Variants in NFKB1 observed in about 807,000 individuals in gnomAD.
The protein encoded by NFKB1 is nuclear factor NF-kappa-B p105 subunit.
NFKB1 carries 9 observed loss-of-function variants against 105.1 expected under a neutral mutation model. The observed-to-expected ratio is 0.09, with a 90% CI of 0.05 to 0.15. The LOEUF (loss-of-function observed/expected upper bound fraction) is 0.15, where lower values mean the gene tolerates loss of function less well. NFKB1 is among the 10% of genes least tolerant of loss of function. The pLI is 1.00. For synonymous variants in NFKB1, 440 were observed against 442.2 expected (o/e 1.00, Z 0.06); for missense variants, 830 against 1,203.7 (o/e 0.69, Z 4.59).
In NFKB1 at chr4:102,544,970, C is replaced by T. The variant is rs181059924; in HGVS notation, c.258+7014C>T. Among the ~76,000 whole-genome samples the T allele has an allele frequency of 3.9e-5, 6 of 152,232 alleles. No homozygotes were observed. The East Asian group carries it at 7.7e-4, about 20-fold the overall frequency. On this transcript the variant is annotated intron_variant, in intron 5 of 23. Transcript: ENST00000226574. ...TTATTTCTGGGACCACTGTTCAATC[C>T]GAAACAAATCTCTGGTGGCTTCTTT...
chr4:102,506,927 T>C (rs1385372490), intron 1 of NFKB1, among the ~76,000 whole-genome samples: 1 of 150,838 alleles, frequency 6.6e-6, no homozygotes, highest in Non-Finnish European at 1.5e-5. Context: ...ATTAGTTACA[T>C]ATACAGATAT....
At chr4:102,506,102 GA>G (rs1337532881) in intron 1 of NFKB1, among the ~76,000 whole-genome samples, 1 of 151,530 alleles carries the variant, frequency 6.6e-6, no homozygotes, top group Admixed American at 6.6e-5. Context: ...TTATGAACTA[GA>G]AAAAAAATGC....
chr4:102,529,220 G>A (rs230531), intron 2 of NFKB1, among the ~76,000 whole-genome samples: 107,004 of 152,000 alleles, frequency 0.7, 38,489 homozygotes, highest in African/African-American at 0.84. Context: ...ACACCCACTA[G>A]ATTCCAGGTA....
chr4:102,537,575 C>T (rs1741723342), intron 4 of NFKB1: 1 of 242,978 alleles, frequency 4.1e-6, no homozygotes, highest in Admixed American at 5.4e-5. Flanking sequence ...AGCCTAAACT[C>T]TTCAGCAGAT....
At chr4:102,512,129 TA>T (rs1204943366) in intron 1 of NFKB1, among the ~76,000 whole-genome samples, 1 of 152,188 alleles carries the variant, frequency 6.6e-6, no homozygotes, top group Non-Finnish European at 1.5e-5. Flanking sequence ...CAGTTGTTAG[TA>T]AAAAATAGAA....
chr4:102,596,220 A>C lies in NFKB1; in HGVS notation c.1383A>C (p.Lys461Asn). The C allele has an allele frequency of 2.5e-6, 4 of 1,613,550 alleles. No individual in the cohort carries two copies. In the South Asian group the frequency reaches 4.4e-5, roughly 18 times the overall value. Residue 461 changes from lysine to asparagine, a missense_variant, in exon 14 of 24, where the codon AAA (lysine) becomes AAC (asparagine). Physicochemically the swap from Lys to Asn is moderately conservative, Grantham distance 94. This residue lies in a region of NFKB1 where 163 missense variants were observed against 164.3 expected (regional missense o/e 0.99). Coordinates refer to ENST00000226574, the MANE Select transcript of NFKB1 (RefSeq NM_003998.4). ...AAAACACTGTAAACCTCTTTGGGAA[A>C]GTTATTGAAACCACAGAGCAAGATC... is the stretch of plus-strand genomic sequence containing the variant. ...DDKNTVNLFG[K>N]VIETTEQDQE... is the part of the protein sequence containing the mutation.
intron 20 of NFKB1, 23 bp downstream of exon 20, chr4:102,610,722 G>A (rs773604362): frequency 1.2e-6 from 2 of 1,612,102 alleles, no homozygotes; most frequent in African/African-American, 2.7e-5. Flanking sequence ...CCATCTGTCT[G>A]ATGGCTGCCC....
intron 11 of NFKB1, 96 bp downstream of exon 11, chr4:102,584,916 C>A: frequency 8.1e-7 from 1 of 1,234,118 alleles, no homozygotes; most frequent in Non-Finnish European, 1.1e-6. Flanking sequence ...GAGTCTGACT[C>A]TGTTGCCCAG....
intron 9 of NFKB1, 137 bp downstream of exon 9, chr4:102,580,776 T>A (rs193025724): frequency 7.7e-4 from 488 of 630,118 alleles, no homozygotes; most frequent in Non-Finnish European, 1.1e-3. Flanking sequence ...AAAAAGCATT[T>A]ACGTTTTACC....
chr4:102,534,553 A>T (rs1741514725), intron 4 of NFKB1, among the ~76,000 whole-genome samples: 1 of 152,208 alleles, frequency 6.6e-6, no homozygotes, highest in African/African-American at 2.4e-5. Flanking sequence ...TATTTATAGG[A>T]AATTGGATGG....
chr4:102,507,033 T>C (rs182950635), intron 1 of NFKB1, among the ~76,000 whole-genome samples: 150 of 148,626 alleles, frequency 1.0e-3, no homozygotes, highest in African/African-American at 3.5e-3. Context: ...GTAACTAATA[T>C]AATTATATTT....
chr4:102,519,213 G>T, intron 1 of NFKB1, among the ~76,000 whole-genome samples: 2 of 149,456 alleles, frequency 1.3e-5, no homozygotes, highest in Middle Eastern at 7.1e-3. Flanking sequence ...ATATACTGTA[G>T]TTTTAAATTA....
chr4:102,577,431 C>T (rs183923767), intron 7 of NFKB1, among the ~76,000 whole-genome samples: 1 of 152,308 alleles, frequency 6.6e-6, no homozygotes, highest in African/African-American at 2.4e-5. Flanking sequence ...GTCTAAAGAA[C>T]ACCTCTGTTT....
rs1290865558 is a variant in NFKB1, at chr4:102,561,216, C to G, written c.259-5771C>G. On this transcript the variant is annotated intron_variant, in intron 5 of 23. Transcript: ENST00000226574. Reference sequence around the variant, plus strand: ...AATAAAGCCTGACTGTTTTTCATCCCTGAGAGAAGAAATATTATTAAAATA... The same window carrying G: ...AATAAAGCCTGACTGTTTTTCATCCGTGAGAGAAGAAATATTATTAAAATA... 2.6e-5 allele frequency among the ~76,000 whole-genome samples: 4 copies of G among 151,726 alleles called. No individual in the cohort carries two copies. In the East Asian group the frequency reaches 5.8e-4, roughly 22 times the overall value.
chr4:102,519,685 A>T (rs1188530105), intron 1 of NFKB1, among the ~76,000 whole-genome samples: 1 of 152,174 alleles, frequency 6.6e-6, no homozygotes, highest in African/African-American at 2.4e-5. Context: ...CTATATTAAA[A>T]TAAGTAATGT....
intron 1 of NFKB1, among the ~76,000 whole-genome samples, chr4:102,506,759 G>A (rs1009592709): frequency 6.6e-5 from 10 of 152,022 alleles, no homozygotes; most frequent in African/African-American, 2.2e-4. Context: ...ATTGAGCGCT[G>A]CTCACTTCAG....
chr4:102,578,616 A>C (rs1014854321), intron 7 of NFKB1: 61 of 483,262 alleles, frequency 1.3e-4, no homozygotes, highest in Admixed American at 1.1e-3. Context: ...AGGTGGGGGA[A>C]GGACAGGAGA....
intron 2 of NFKB1, among the ~76,000 whole-genome samples, chr4:102,528,639 A>G (rs1429788141): frequency 2.6e-5 from 4 of 152,226 alleles, no homozygotes; most frequent in Non-Finnish European, 5.9e-5. Flanking sequence ...TGCTGTCCAC[A>G]GACATTTCAA....
intron 1 of NFKB1, among the ~76,000 whole-genome samples, chr4:102,518,936 C>G (rs4647980): frequency 0.27 from 40,771 of 152,084 alleles, 6,765 homozygotes; most frequent in Admixed American, 0.41. Flanking sequence ...GGGTTTAGAA[C>G]TTGTACTTCT....
Sources: allele counts gnomAD v4.1 joint callset (sites outside exome capture counted in the v4.1 genomes callset), GRCh38; gene constraint gnomAD v4.1.1; regional missense constraint gnomAD v4.1.1; transcripts MANE v1.5; gene names NCBI Gene and HGNC (gene_info 2026-07-23, HGNC 2026-07-21).